Variants in PIGL observed in about 807,000 individuals in gnomAD.
The protein encoded by PIGL is phosphatidylinositol glycan anchor biosynthesis class L, also known as N-acetylglucosaminyl-phosphatidylinositol de-N-acetylase.
PIGL carries 22 observed loss-of-function variants against 31.1 expected under a neutral mutation model. That is an observed-to-expected ratio of 0.71 (90% CI 0.51 to 1.01). The LOEUF (loss-of-function observed/expected upper bound fraction) is 1.01. Ranked by LOEUF, PIGL falls within the 50% of genes least tolerant of loss-of-function variation. PIGL has a pLI of 0.00. For synonymous variants in PIGL, 131 were observed against 117.4 expected (o/e 1.12, Z -0.75); for missense variants, 302 against 315.9 (o/e 0.96, Z 0.33).
chr17:16,262,680 G>C (rs2092824130), intron 2 of PIGL, among the ~76,000 whole-genome samples: 1 of 151,944 alleles, frequency 6.6e-6, no homozygotes, highest in Non-Finnish European at 1.5e-5. Context: ...AATAAACATA[G>C]AATTACCACA....
rs1491505423 is a variant in PIGL, at chr17:16,245,821, T to TATA, written c.335+11751_335+11752insATA. The stretch of plus-strand genomic sequence containing the variant: ...ACACACACACATATATATATATATA[T>TATA]TTTTTTTTGAGACGGAGTCTCGGAG... On this transcript the variant is annotated intron_variant, in intron 2 of 6. Transcript: ENST00000225609. Among the ~76,000 whole-genome samples, 41 of 42,864 alleles carry TATA rather than the reference T, an allele frequency of 9.6e-4. 1 individual carries two copies. Among genetic ancestry groups the TATA allele is most frequent in the East Asian group, 7.9e-3 (30 of 3,806 alleles). The allele number at this position is 42,864 out of a possible 152,430, so 28.1% of individuals were successfully genotyped here. A position where few individuals can be genotyped will look rare whatever the true frequency, so the allele number is the denominator to read the frequency against.
intron 2 of PIGL, among the ~76,000 whole-genome samples, chr17:16,239,935 C>T (rs1402607116): frequency 1.3e-5 from 2 of 151,962 alleles, no homozygotes; most frequent in Admixed American, 6.6e-5. Flanking sequence ...TTTAACTTTT[C>T]GTAGAGATGG....
intron 2 of PIGL, among the ~76,000 whole-genome samples, chr17:16,243,230 A>G (rs2092730477): frequency 6.6e-6 from 1 of 151,986 alleles, no homozygotes; most frequent in African/African-American, 2.4e-5. Context: ...TTATATTTTT[A>G]GTAGAGATAG....
At chr17:16,291,699 C>G (rs964536874) in intron 2 of PIGL, among the ~76,000 whole-genome samples, 1 of 151,676 alleles carries the variant, frequency 6.6e-6, no homozygotes, top group Non-Finnish European at 1.5e-5. Flanking sequence ...AACCCCTTCT[C>G]TACGAAAGTA....
intron 2 of PIGL, among the ~76,000 whole-genome samples, chr17:16,263,923 C>T (rs2092830016): frequency 6.8e-6 from 1 of 147,954 alleles, no homozygotes; most frequent in African/African-American, 2.5e-5. Context: ...CTCACTGCAA[C>T]CTCTGCCTCC....
intron 2 of PIGL, among the ~76,000 whole-genome samples, chr17:16,283,402 A>G (rs905749242): frequency 6.6e-6 from 1 of 152,136 alleles, no homozygotes; most frequent in Admixed American, 6.5e-5. Context: ...TAGGAGGTTG[A>G]GGCTGCAGTG....
chr17:16,253,107 G>A (rs1052513161), intron 2 of PIGL, among the ~76,000 whole-genome samples: 3 of 151,950 alleles, frequency 2.0e-5, no homozygotes, highest in Non-Finnish European at 4.4e-5. Flanking sequence ...TGAGGCGGGT[G>A]GATCACAAGG....
intron 3 of PIGL, among the ~76,000 whole-genome samples, chr17:16,311,486 A>ATTTTTTTTTTTTT (rs1568840853): frequency 1.6e-3 from 16 of 10,296 alleles, no homozygotes; most frequent in East Asian, 9.6e-3. Flanking sequence ...TTTTTTGATC[A>ATTTTTTTTTTTTT]TTCTTGGGTG....
chr17:16,281,412 G>A (rs1385964052), intron 2 of PIGL, among the ~76,000 whole-genome samples: 1 of 152,222 alleles, frequency 6.6e-6, no homozygotes, highest in Non-Finnish European at 1.5e-5. Context: ...GGATGCAAGA[G>A]ATTGTTTAAC....
Position 16,317,762 on chromosome 17 carries a change from C to T in PIGL, c.527-13C>T. 2 of 1,613,610 alleles carry T rather than the reference C, an allele frequency of 1.2e-6. No homozygotes were observed. Among genetic ancestry groups the T allele is most frequent in the South Asian group, 1.1e-5 (1 of 91,040 alleles). ...CAAGGCTTATCACTTCACCCTGTCT[C>T]CTCTCCATCCAGGGTGCTCTGTGCT... On this transcript the variant is annotated splice_polypyrimidine_tract_variant and intron_variant, in intron 5 of 6. Coordinates refer to ENST00000225609, the MANE Select transcript of PIGL (RefSeq NM_004278.4).
chr17:16,282,634 A>G (rs2092921140), intron 2 of PIGL, among the ~76,000 whole-genome samples: 1 of 152,204 alleles, frequency 6.6e-6, no homozygotes, highest in African/African-American at 2.4e-5. Context: ...CTGGTTAATG[A>G]ATCAGCATTA....
intron 3 of PIGL, among the ~76,000 whole-genome samples, chr17:16,312,057 C>T (rs1221491063): frequency 6.7e-6 from 1 of 148,378 alleles, no homozygotes; most frequent in Non-Finnish European, 1.5e-5. Flanking sequence ...CCCCCAACCT[C>T]CCGGACGGGG....
chr17:16,306,152 A>G (rs566475551), intron 3 of PIGL, among the ~76,000 whole-genome samples: 2 of 151,852 alleles, frequency 1.3e-5, no homozygotes, highest in Admixed American at 6.6e-5. Context: ...GGTTTCACCA[A>G]CCTGGCCAGG....
intron 5 of PIGL, 111 bp downstream of exon 5, chr17:16,316,823 T>C: frequency 6.5e-7 from 1 of 1,544,468 alleles, no homozygotes; most frequent in Non-Finnish European, 8.8e-7. Flanking sequence ...GCAGAGGCAG[T>C]GGTTGGGGAG....
At chr17:16,222,777 C>T (rs1315479122) in intron 1 of PIGL, among the ~76,000 whole-genome samples, 10 of 151,346 alleles carry the variant, frequency 6.6e-5, no homozygotes, top group African/African-American at 2.2e-4. Context: ...TTTGGGAGGC[C>T]GAGACAGGTG....
chr17:16,224,567 C>T (rs1297502532), intron 1 of PIGL, among the ~76,000 whole-genome samples: 1 of 152,086 alleles, frequency 6.6e-6, no homozygotes, highest in African/African-American at 2.4e-5. Flanking sequence ...CTTGGCCTCC[C>T]AAAGTGCTGG....
At chr17:16,274,535 C>T (rs1398615549) in intron 2 of PIGL, among the ~76,000 whole-genome samples, 1 of 151,854 alleles carries the variant, frequency 6.6e-6, no homozygotes, top group Non-Finnish European at 1.5e-5. Flanking sequence ...TCAGCCTGGC[C>T]AACATGGTGA....
At chr17:16,284,958 TACA>T (rs2092931279) in intron 2 of PIGL, among the ~76,000 whole-genome samples, 1 of 152,196 alleles carries the variant, frequency 6.6e-6, no homozygotes, top group Non-Finnish European at 1.5e-5. Context: ...ACTGGGTGGT[TACA>T]ACATTAGATA....
At chr17:16,320,474 GGAGGAAAC>G (rs1368297113) in intron 6 of PIGL, among the ~76,000 whole-genome samples, 2 of 19,878 alleles carry the variant, frequency 1.0e-4, no homozygotes, top group Non-Finnish European at 3.5e-4. Context: ...GGGAAGGAAG[GGAGGAAAC>G]GAGGGAGGGA....
Sources: allele counts gnomAD v4.1 joint callset (sites outside exome capture counted in the v4.1 genomes callset), GRCh38; gene constraint gnomAD v4.1.1; transcripts MANE v1.5; gene names NCBI Gene and HGNC (gene_info 2026-07-23, HGNC 2026-07-21).